NTRK2: variants seen among roughly 807,000 people sequenced by gnomAD.
The protein encoded by NTRK2 is neurotrophic receptor tyrosine kinase 2.
A neutral mutation model predicts 94.5 loss-of-function variants in NTRK2; 13 were observed. The ratio of observed to expected loss-of-function variants is 0.14; its 90% CI spans 0.09 to 0.22. NTRK2 has a LOEUF of 0.22. NTRK2 is among the 10% of genes least tolerant of loss of function. NTRK2 has a pLI of 1.00. For missense variants in NTRK2, 639 were observed against 1,071.2 expected (o/e 0.60, Z 5.63); for synonymous variants, 372 against 407.4 (o/e 0.91, Z 1.05).
chr9:85,005,382 T>G (rs1039245386), intron 17 of NTRK2, among the ~76,000 whole-genome samples: 3 of 152,220 alleles, frequency 2.0e-5, no homozygotes, highest in Admixed American at 1.3e-4. Flanking sequence ...GGACCCTGAT[T>G]CTGACTGTGG....
chr9:84,711,652 A>ACCAGGTT (rs1564104342), intron 6 of NTRK2, among the ~76,000 whole-genome samples: 1 of 152,254 alleles, frequency 6.6e-6, no homozygotes, highest in Non-Finnish European at 1.5e-5. Flanking sequence ...CTTGTGCACA[A>ACCAGGTT]GGAATCTGTG....
intron 14 of NTRK2, among the ~76,000 whole-genome samples, chr9:84,888,066 T>G (rs2076472151): frequency 6.6e-6 from 1 of 152,022 alleles, no homozygotes; most frequent in Non-Finnish European, 1.5e-5. Context: ...AAATCCAGCC[T>G]CGTATTTTTT....
intron 10 of NTRK2, among the ~76,000 whole-genome samples, chr9:84,743,352 T>C (rs1385917363): frequency 2.0e-5 from 3 of 152,214 alleles, no homozygotes; most frequent in Non-Finnish European, 4.4e-5. Context: ...TATATATTGA[T>C]TGATATTTTA....
chr9:85,004,292 A>G (rs932165727), intron 17 of NTRK2, among the ~76,000 whole-genome samples: 4 of 152,036 alleles, frequency 2.6e-5, no homozygotes, highest in Non-Finnish European at 5.9e-5. Context: ...GCTTTTCTCT[A>G]TAGTTTCCAG....
intron 6 of NTRK2, among the ~76,000 whole-genome samples, chr9:84,712,284 C>T (rs1210305307): frequency 2.6e-5 from 4 of 152,206 alleles, no homozygotes; most frequent in Admixed American, 6.5e-5. Flanking sequence ...CGGGAATGCA[C>T]CCCGCCTTAC....
rs183393972 is a variant in NTRK2, at chr9:84,708,226, C to T, written c.428+314C>T. On this transcript the variant is annotated intron_variant, in intron 5 of 18. Coordinates refer to ENST00000277120, the MANE Select transcript of NTRK2 (RefSeq NM_006180.6). ...AAAAGAAGGGGGCTTTGTGTGAAAACGGCTGTATGCTTTATATCTCACAGC... is the reference window on the plus strand; with the variant it reads ...AAAAGAAGGGGGCTTTGTGTGAAAATGGCTGTATGCTTTATATCTCACAGC... Among the ~76,000 whole-genome samples, 443 of 152,220 alleles carry T rather than the reference C, an allele frequency of 2.9e-3. 4 individuals carry two copies. Among genetic ancestry groups the T allele is most frequent in the African/African-American group, 9.9e-3 (411 of 41,530 alleles).
At chr9:84,710,877 C>T in intron 6 of NTRK2, 86 bp downstream of exon 6, 1 of 1,323,446 alleles carries the variant, frequency 7.6e-7, no homozygotes, top group Non-Finnish European at 1.1e-6. Flanking sequence ...ATTACCACTA[C>T]CTGGATTGTA....
intron 2 of NTRK2, among the ~76,000 whole-genome samples, chr9:84,688,775 C>T (rs944904199): frequency 2.0e-5 from 3 of 152,212 alleles, no homozygotes; most frequent in Non-Finnish European, 4.4e-5. Flanking sequence ...AGTTCCTTTC[C>T]TCACGATGTC....
chr9:84,835,133 C>G (rs2131715591), intron 12 of NTRK2, among the ~76,000 whole-genome samples: 1 of 152,246 alleles, frequency 6.6e-6, no homozygotes, highest in South Asian at 2.1e-4. Flanking sequence ...CCATCCAAAT[C>G]CAGACGTTTT....
chr9:84,897,318 G>A (rs545745901), intron 14 of NTRK2, among the ~76,000 whole-genome samples: 2 of 152,164 alleles, frequency 1.3e-5, no homozygotes, highest in South Asian at 2.1e-4. Flanking sequence ...TGTATTTTTA[G>A]TAGAGACAGA....
At chr9:85,012,178 G>A (rs1467161634) in intron 17 of NTRK2, among the ~76,000 whole-genome samples, 2 of 151,548 alleles carry the variant, frequency 1.3e-5, no homozygotes, top group Non-Finnish European at 2.9e-5. Flanking sequence ...TAGTAGAGAC[G>A]GGGTTTCACC....
chr9:84,912,802 G>A (rs2077279862), intron 14 of NTRK2, among the ~76,000 whole-genome samples: 1 of 151,682 alleles, frequency 6.6e-6, no homozygotes, highest in South Asian at 2.1e-4. Context: ...ATTTTTAGTA[G>A]AGACAGGGTT....
At chr9:84,769,355 C>G (rs1410355834) in intron 12 of NTRK2, among the ~76,000 whole-genome samples, 1 of 152,148 alleles carries the variant, frequency 6.6e-6, no homozygotes, top group Non-Finnish European at 1.5e-5. Context: ...AATCTACCTA[C>G]CCAATTGGCT....
rs1229444954 is a variant in NTRK2 at position 84,935,007 on chromosome 9, CA to C, written c.1764+720del. On this transcript the variant is annotated intron_variant, in intron 15 of 18. Coordinates refer to ENST00000277120, the MANE Select transcript of NTRK2 (RefSeq NM_006180.6). ...GAGCTCTCTAAAACACAAGAATTAA[CA>C]AAAATAGCACAAAAGGCTTCAGGTA... 2.6e-5 allele frequency among the ~76,000 whole-genome samples: 4 copies of C among 152,134 alleles called. No homozygotes were observed. The East Asian group carries it at 7.7e-4, about 29-fold the overall frequency.
intron 14 of NTRK2, among the ~76,000 whole-genome samples, chr9:84,914,390 C>T (rs1488217744): frequency 2.0e-5 from 3 of 152,220 alleles, no homozygotes; most frequent in African/African-American, 7.2e-5. Flanking sequence ...GATATGATGA[C>T]TGATTTTTCC....
At chr9:84,706,535 T>G (rs958881663) in intron 4 of NTRK2, among the ~76,000 whole-genome samples, 1 of 129,248 alleles carries the variant, frequency 7.7e-6, no homozygotes, top group Non-Finnish European at 1.7e-5. Flanking sequence ...TTGTTTTTTT[T>G]TTTTTTTTTT....
At chr9:84,812,624 G>A (rs917968751) in intron 12 of NTRK2, 13 of 1,047,088 alleles carry the variant, frequency 1.2e-5, no homozygotes, top group Middle Eastern at 4.3e-4. Flanking sequence ...AGCCAGGCAG[G>A]AGCTCAGTAT....
At chr9:84,861,127 G>T in intron 13 of NTRK2, 40 bp downstream of exon 13, 1 of 1,477,890 alleles carries the variant, frequency 6.8e-7, no homozygotes, top group Non-Finnish European at 9.5e-7. Context: ...TAAGTAATGA[G>T]TCTATGTTTT....
Position 84,797,594 on chromosome 9 carries a change from ACTATATATT to A in NTRK2, c.1396+45510_1396+45518del, listed in dbSNP as rs1343879322. ...TATATATATTATATATACTATATAT[ACTATATATT>A]ATATATAATATATATACTATATATT... On this transcript the variant is annotated intron_variant, in intron 12 of 18. Transcript: ENST00000277120. Among the ~76,000 whole-genome samples the A allele has an allele frequency of 3.7e-5, 3 of 81,888 alleles. No individual in the cohort carries two copies. In the East Asian group the frequency reaches 1.0e-3, roughly 28 times the overall value. 53.7% of individuals were successfully genotyped at this position (81,888 alleles called of 152,430 possible). A position where few individuals can be genotyped will look rare whatever the true frequency, so the allele number is the denominator to read the frequency against.
Sources: gnomAD v4.1 joint callset for allele counts (sites outside exome capture counted in the v4.1 genomes callset) on GRCh38, gnomAD v4.1.1 for gene constraint, MANE v1.5 for transcripts, NCBI Gene and HGNC (gene_info 2026-07-23, HGNC 2026-07-21) for gene names.